The following IRS2 variants were observed in gnomAD, a reference collection of about 807,000 sequenced individuals.
The protein encoded by IRS2 is insulin receptor substrate 2.
A neutral mutation model predicts 70.9 loss-of-function variants in IRS2; 28 were observed. That is an observed-to-expected ratio of 0.39 (90% CI 0.29 to 0.54). IRS2 has a LOEUF of 0.54. IRS2 is among the 20% of genes least tolerant of loss of function. IRS2 has a pLI of 0.59. For synonymous variants in IRS2, 1,217 were observed against 981.9 expected, an observed-to-expected ratio of 1.24 and a Z score of -4.48; for missense variants, 2,081 against 2,024.1, an observed-to-expected ratio of 1.03 and a Z score of -0.54.
At chr13:109,762,691 A>G (rs1012391342) in intron 1 of IRS2, among the ~76,000 whole-genome samples, 18 of 152,236 alleles carry the variant, frequency 1.2e-4, no homozygotes, top group African/African-American at 3.1e-4. Context: ...GCTGATGCCC[A>G]GGCCCTGCCT....
chr13:109,766,378 A>C (rs1877335163), intron 1 of IRS2, among the ~76,000 whole-genome samples: 1 of 14,284 alleles, frequency 7.0e-5, no homozygotes, highest in African/African-American at 3.1e-4. Flanking sequence ...CCTGACTCCG[A>C]CTCCCCACCA....
At chr13:109,773,395 G>A (rs1385336039) in intron 1 of IRS2, among the ~76,000 whole-genome samples, 2 of 152,122 alleles carry the variant, frequency 1.3e-5, no homozygotes, top group Non-Finnish European at 2.9e-5. Context: ...CCATAATGGG[G>A]AATATATGAT....
intron 1 of IRS2, among the ~76,000 whole-genome samples, chr13:109,776,162 G>A (rs79089890): frequency 5.3e-4 from 79 of 149,168 alleles, no homozygotes; most frequent in East Asian, 5.9e-4. Context: ...AAAAAAAAAA[G>A]AAAAAAACCC....
In IRS2 at chr13:109,786,085, C is replaced by G. The variant is rs2138940151; in HGVS notation, c.-32G>C. ...CGCTTCAGGCCGCGCGGCCCGGGCC[C>G]GGCGCCCAGGGGTTGGGGCGAGGGG... On this transcript the variant is annotated 5_prime_UTR_variant, in exon 1 of 2. Coordinates refer to ENST00000375856, the MANE Select transcript of IRS2 (RefSeq NM_003749.3). This position sits in a 1 kb window ranked among gnomAD's most constrained non-coding sequence, Gnocchi z 4.4. The G allele has an allele frequency of 8.7e-6, 9 of 1,039,772 alleles. No homozygotes were observed. Among genetic ancestry groups the G allele is most frequent in the Non-Finnish European group, 1.0e-5 (9 of 871,162 alleles). 64.4% of individuals were successfully genotyped at this position (1,039,772 alleles called of 1,614,324 possible).
chr13:109,784,224 G>A lies in IRS2; in HGVS notation c.1830C>T (p.Gly610=). Residue 610 remains glycine, a synonymous_variant, in exon 1 of 2, where the codon GGC becomes GGT. Transcript: ENST00000375856. The surrounding 1 kb of genome is among the most constrained non-coding windows in gnomAD (Gnocchi z 5.2). ...LMRATFSGSA[G]RLCPSCPASS... is the part of the protein sequence containing the mutation. ...ACGCGGGGCAGGACGGGCAGAGGCG[G>A]CCCGCGCTGCCCGAGAAGGTGGCCC... 6.4e-7 allele frequency: 1 copy of A among 1,568,698 alleles called. No individual in the cohort carries two copies. The highest frequency in any genetic ancestry group is 1.3e-5 in the African/African-American group (1 of 74,276).
At position 109,755,878 on chromosome 13, in the gene IRS2, AG is replaced by A. The variant is rs1877096277; in HGVS notation, c.*425del. 3.8e-6 allele frequency: 1 copy of A among 262,308 alleles called. No individual in the cohort carries two copies. Among genetic ancestry groups the A allele is most frequent in the African/African-American group, 2.2e-5 (1 of 45,684 alleles). The allele number at this position is 262,308 out of a possible 1,614,324, so 16.2% of individuals were successfully genotyped here. A position where few individuals can be genotyped will look rare whatever the true frequency, so the allele number is the denominator to read the frequency against. On this transcript the variant is annotated 3_prime_UTR_variant, in exon 2 of 2. Transcript: ENST00000375856. ...ACTGTGGTCGTTTTGAGTGTAAGCC[AG>A]TAAATACCAGATTTTACCACTTCCA...
In IRS2 at chr13:109,784,826, C is replaced by T; in HGVS notation, c.1228G>A (p.Gly410Ser). 4 of 1,257,124 alleles carry T rather than the reference C, an allele frequency of 3.2e-6. No individual in the cohort carries two copies. Among genetic ancestry groups the T allele is most frequent in the East Asian group, 3.7e-5 (1 of 26,866 alleles). 77.9% of individuals were successfully genotyped at this position (1,257,124 alleles called of 1,614,324 possible). The change falls in exon 1 of 2, where the codon GGC (glycine) becomes AGC (serine). Residue 410 changes from glycine (G) to serine (S), a missense_variant. Coordinates refer to ENST00000375856, the MANE Select transcript of IRS2 (RefSeq NM_003749.3). The surrounding 1 kb of genome is among the most constrained non-coding windows in gnomAD (Gnocchi z 5.2). ...SRSHTLSGGC[G>S]GRGSKVALLP... The stretch of plus-strand genomic sequence containing the variant: ...AGCGCCACCTTGCTCCCGCGGCCGC[C>T]GCAGCCGCCGCTCAGGGTGTGCGAG...
chr13:109,761,175 C>T lies in IRS2; in HGVS notation c.4013-4867G>A, dbSNP rs1215070790. On this transcript the variant is annotated intron_variant, in intron 1 of 1. Transcript: ENST00000375856. ...TCTGCAGAGGGGCTTACGGCCACCA[C>T]GTAGGGCCCCATGGCACGGCTGTGG... 3.3e-5 allele frequency among the ~76,000 whole-genome samples: 5 copies of T among 152,330 alleles called. No individual in the cohort carries two copies. The South Asian group carries it at 6.2e-4, about 19-fold the overall frequency.
rs34415737 is a variant in IRS2, at chr13:109,775,114, CTTTT to C, written c.4012+6924_4012+6927del. Among the ~76,000 whole-genome samples the C allele has an allele frequency of 8.2e-3, 949 of 115,824 alleles. 5 individuals carry two copies. Among genetic ancestry groups the C allele is most frequent in the Non-Finnish European group, 0.012 (652 of 55,860 alleles). 76.0% of individuals were successfully genotyped at this position (115,824 alleles called of 152,430 possible). On this transcript the variant is annotated intron_variant, in intron 1 of 1. Coordinates refer to ENST00000375856, the MANE Select transcript of IRS2 (RefSeq NM_003749.3). ...AGCATTAATACTATGCAAAATCTTTCTTTTTTTTTTTTTTTTTTTTGAGACTGAA... is the reference window on the plus strand; with the variant it reads ...AGCATTAATACTATGCAAAATCTTTCTTTTTTTTTTTTTTTTGAGACTGAA...
At position 109,782,663 on chromosome 13, in the gene IRS2, G is replaced by C. The variant is rs2138930349; in HGVS notation, c.3391C>G (p.Arg1131Gly). The change falls in exon 1 of 2, where the codon CGC becomes GGC. Residue 1131 changes from arginine (R) to glycine (G), a missense_variant. Arg to Gly is a moderately radical substitution (Grantham distance 125). Coordinates refer to ENST00000375856, the MANE Select transcript of IRS2 (RefSeq NM_003749.3). ...TCTGCGCGGATGACCTTGGCGCCGC[G>C]GTGGGGGTCCGGGGGCTGGCTGGCC... is the stretch of plus-strand genomic sequence containing the variant. ...LQASQPPDPH[R>G]GAKVIRADPQ... is the part of the protein sequence containing the mutation. 7 of 1,572,164 alleles carry C rather than the reference G, an allele frequency of 4.5e-6. No individual in the cohort carries two copies. The highest frequency in any genetic ancestry group is 5.2e-6 in the Non-Finnish European group (6 of 1,160,538).
intron 1 of IRS2, among the ~76,000 whole-genome samples, chr13:109,758,025 A>G (rs1877145485): frequency 6.6e-6 from 1 of 152,226 alleles, no homozygotes; most frequent in South Asian, 2.1e-4. Context: ...TATAAATTTA[A>G]TAAGTAAACA....
chr13:109,782,081 A>G lies in IRS2; in HGVS notation c.3973T>C (p.Phe1325Leu). Reference protein sequence around the residue: ...PPANTYASIDFLSHHLKEATI... With the variant: ...PPANTYASIDLLSHHLKEATI... ...GCCTCCTTCAAGTGGTGGGACAAGA[A>G]GTCAATGCTGGCGTAGGTGTTGGCA... The change falls in exon 1 of 2, where the codon TTC (phenylalanine) becomes CTC (leucine). Residue 1325 changes from phenylalanine to leucine, a missense_variant. By Grantham distance (22) the Phe-to-Leu change is conservative. Coordinates refer to ENST00000375856, the MANE Select transcript of IRS2 (RefSeq NM_003749.3). The G allele has an allele frequency of 6.2e-7, 1 of 1,612,548 alleles. No individual in the cohort carries two copies. The highest frequency in any genetic ancestry group is 1.3e-5 in the African/African-American group (1 of 75,042).
In IRS2 at chr13:109,769,072, A is replaced by G. The variant is rs1877396376; in HGVS notation, c.4013-12764T>C. 2.0e-5 allele frequency among the ~76,000 whole-genome samples: 3 copies of G among 152,184 alleles called. No individual in the cohort carries two copies. In the South Asian group the frequency reaches 6.2e-4, roughly 31 times the overall value. On this transcript the variant is annotated intron_variant, in intron 1 of 1. Transcript: ENST00000375856. ...TTGTTTTGCAGTTTATCCTGTAAGC[A>G]CGTCCCAGTAGTTTCCCCAACCTCA... is the stretch of plus-strand genomic sequence containing the variant.
At chr13:109,767,475 G>A (rs1877360786) in intron 1 of IRS2, among the ~76,000 whole-genome samples, 1 of 152,168 alleles carries the variant, frequency 6.6e-6, no homozygotes, top group Non-Finnish European at 1.5e-5. Flanking sequence ...ACTGTGTGGT[G>A]ATTGACACAG....
At position 109,783,877 on chromosome 13, in the gene IRS2, C is replaced by A. The variant is rs755027066; in HGVS notation, c.2177G>T (p.Gly726Val). The change falls in exon 1 of 2, where the codon GGC (glycine) becomes GTC (valine). Residue 726 changes from glycine (G) to valine (V), a missense_variant. By Grantham distance (109) the Gly-to-Val change is moderately radical (BLOSUM62 -3). Transcript: ENST00000375856. ...AGRTFPASGG[G>V]YKASSPAESS... ...CTCGGCGGGCGAGCTGGCCTTGTAG[C>A]CGCCCCCGCTCGCCGGGAATGTCCT... 1 of 1,549,994 alleles carries A rather than the reference C, an allele frequency of 6.5e-7. No homozygotes were observed. The highest frequency in any genetic ancestry group is 8.7e-7 in the Non-Finnish European group (1 of 1,147,450).
chr13:109,781,776 A>AGAATGGGT lies in IRS2; in HGVS notation c.4012+258_4012+265dup, dbSNP rs373808159. On this transcript the variant is annotated intron_variant, in intron 1 of 1. Coordinates refer to ENST00000375856, the MANE Select transcript of IRS2 (RefSeq NM_003749.3). ...AGGGACAGGGGGCTGTGGGACGCAC[A>AGAATGGGT]GAATGGGTGAATGGGTGGGGCCTCA... Among the ~76,000 whole-genome samples, 1,083 of 152,330 alleles carry AGAATGGGT rather than the reference A, an allele frequency of 7.1e-3. 12 individuals are homozygous for AGAATGGGT. The highest frequency in any genetic ancestry group is 0.024 in the African/African-American group (986 of 41,574).
intron 1 of IRS2, among the ~76,000 whole-genome samples, chr13:109,773,427 CCTGT>C (rs905303962): frequency 6.6e-6 from 1 of 152,178 alleles, no homozygotes; most frequent in African/African-American, 2.4e-5. Flanking sequence ...AGAACAAGCA[CCTGT>C]CTTAGAGACA....
chr13:109,786,458 A>C lies in IRS2; in HGVS notation c.-405T>G, dbSNP rs1877931752. On this transcript the variant is annotated 5_prime_UTR_variant, in exon 1 of 2. Coordinates refer to ENST00000375856, the MANE Select transcript of IRS2 (RefSeq NM_003749.3). The surrounding 1 kb of genome is among the most constrained non-coding windows in gnomAD (Gnocchi z 4.4). ...GCTGCCGCCGCGTCGCGCTCCGGGA[A>C]GCCGGGGTGCGCCCGGGCGCTCGGG... The C allele has an allele frequency of 6.8e-6, 1 of 147,656 alleles. No individual in the cohort carries two copies. Among genetic ancestry groups the C allele is most frequent in the African/African-American group, 2.5e-5 (1 of 40,610 alleles). The allele number at this position is 147,656 out of a possible 1,614,324, so 9.1% of individuals were successfully genotyped here.
At chr13:109,769,158 C>T (rs1196536717) in intron 1 of IRS2, among the ~76,000 whole-genome samples, 1 of 152,130 alleles carries the variant, frequency 6.6e-6, no homozygotes, top group Non-Finnish European at 1.5e-5. Context: ...ATTTTATATA[C>T]TTTTGAGGAA....
Sources: gnomAD v4.1 joint callset for allele counts (sites outside exome capture counted in the v4.1 genomes callset) on GRCh38, gnomAD v4.1.1 for gene constraint, Gnocchi (gnomAD v3.1) non-coding constraint, MANE v1.5 for transcripts, NCBI Gene and HGNC (gene_info 2026-07-23, HGNC 2026-07-21) for gene names.